The following ZFP1 variants were observed in gnomAD, a reference collection of about 807,000 sequenced individuals.
ZFP1 encodes ZFP1 zinc finger protein, also known as zinc finger protein 1 homolog.
In ZFP1, 32 loss-of-function variants were observed where a neutral mutation model predicts 38.5. The observed-to-expected ratio is 0.83, with a 90% CI of 0.63 to 1.12. The LOEUF (loss-of-function observed/expected upper bound fraction) is 1.12, where lower values mean the gene tolerates loss of function less well. ZFP1 is among the 50% of genes most tolerant of loss of function. The probability of loss-of-function intolerance (pLI) is 0.00; values close to 1 mark genes in which losing one functional copy is unlikely to be tolerated. For synonymous variants in ZFP1, 245 were observed against 168.8 expected (o/e 1.45, Z -3.50); for missense variants, 616 against 480.8 (o/e 1.28, Z -2.63).
At chr16:75,152,794 C>T in intron 1 of ZFP1, 115 bp from the exon 2 acceptor site, 1 of 904,400 alleles carries the variant, frequency 1.1e-6, no homozygotes, top group South Asian at 1.8e-5. Flanking sequence ...AGGGACTTTC[C>T]CAGGAGGTGG....
chr16:75,161,895 C>G (rs2037809743), intron 2 of ZFP1, among the ~76,000 whole-genome samples: 1 of 146,236 alleles, frequency 6.8e-6, no homozygotes, highest in Non-Finnish European at 1.5e-5. Context: ...AGCGATTCCC[C>G]TGCCTCAGCC....
chr16:75,131,556 A>G, the ZFP1 span, among the ~76,000 whole-genome samples: 2 of 151,904 alleles, frequency 1.3e-5, no homozygotes, highest in East Asian at 1.9e-4. Context: ...CTCCCCTCTC[A>G]TCCTAGCTGG....
chr16:75,151,844 T>G (rs1194401913), intron 1 of ZFP1, among the ~76,000 whole-genome samples: 1 of 152,220 alleles, frequency 6.6e-6, no homozygotes, highest in Non-Finnish European at 1.5e-5. Context: ...TTAAATAACT[T>G]CATTAAACAT....
chr16:75,148,291 C>T (rs1321409014), upstream of ZFP1, among the ~76,000 whole-genome samples: 1 of 152,124 alleles, frequency 6.6e-6, no homozygotes, highest in Non-Finnish European at 1.5e-5. Context: ...AATTGTAGTT[C>T]ACGACCCACT....
chr16:75,137,461 C>CTTTTT, the ZFP1 span, among the ~76,000 whole-genome samples: 31,673 of 89,240 alleles, frequency 0.35, 8,055 homozygotes, highest in Middle Eastern at 0.44. Flanking sequence ...AAAAAAAATT[C>CTTTTT]TTTTTTTTTT....
chr16:75,120,932 G>T, the ZFP1 span, among the ~76,000 whole-genome samples: 2 of 151,900 alleles, frequency 1.3e-5, no homozygotes, highest in Non-Finnish European at 2.9e-5. Flanking sequence ...GCCTACCCTT[G>T]GGTTTTTAAG....
chr16:75,126,502 C>T, the ZFP1 span, among the ~76,000 whole-genome samples: 47,760 of 151,974 alleles, frequency 0.31, 7,682 homozygotes, highest in Non-Finnish European at 0.34. Flanking sequence ...CTCCCAGGTT[C>T]AAGTGATTCT....
At position 75,170,060 on chromosome 16, in the gene ZFP1, T is replaced by G; in HGVS notation, c.950T>G (p.Ile317Ser). 1 of 1,614,096 alleles carries G rather than the reference T, an allele frequency of 6.2e-7. No individual in the cohort carries two copies. Among genetic ancestry groups the G allele is most frequent in the African/African-American group, 1.3e-5 (1 of 74,998 alleles). Residue 317 changes from isoleucine to serine, a missense_variant, in exon 4 of 4, where the codon ATT becomes AGT. Transcript: ENST00000570010. ...TCAAACCTTATCATACATCAGAAGATTCACACGGGGGAGAAACGCTATGAG... is the reference window on the plus strand; with the variant it reads ...TCAAACCTTATCATACATCAGAAGAGTCACACGGGGGAGAAACGCTATGAG... Reference protein sequence around the residue: ...KKSNLIIHQKIHTGEKRYECS... With the variant: ...KKSNLIIHQKSHTGEKRYECS...
the ZFP1 span, among the ~76,000 whole-genome samples, chr16:75,142,153 C>G: frequency 6.7e-6 from 1 of 148,972 alleles, no homozygotes; most frequent in South Asian, 2.1e-4. Flanking sequence ...GTCAAGAGAT[C>G]GACACCATCC....
At chr16:75,143,733 C>T (rs1284109961), upstream of ZFP1, among the ~76,000 whole-genome samples, 6 of 145,654 alleles carry the variant, frequency 4.1e-5, no homozygotes. Context: ...CTCACTGCAG[C>T]GTCAACCTCC....
the ZFP1 span, among the ~76,000 whole-genome samples, chr16:75,123,474 TA>T: frequency 7.9e-6 from 1 of 127,076 alleles, no homozygotes; most frequent in Non-Finnish European, 1.6e-5. Flanking sequence ...TATATATATA[TA>T]TATATATATA....
rs186630665 is a variant in ZFP1 at position 75,166,232 on chromosome 16, C to T, written c.16-538C>T. The stretch of plus-strand genomic sequence containing the variant: ...TGTCTCACAGTACACATCTTGAGAG[C>T]AGAAACAGTGTTTATTTTTTGAGAC... On this transcript the variant is annotated intron_variant, in intron 2 of 3. Transcript: ENST00000570010. Among the ~76,000 whole-genome samples the T allele has an allele frequency of 2.0e-3, 311 of 151,940 alleles. 1 individual carries two copies. Among genetic ancestry groups the T allele is most frequent in the Admixed American group, 3.5e-3 (53 of 15,280 alleles).
rs201833464 is a variant in ZFP1, at chr16:75,166,793, G to A, written c.39G>A (p.Val13=). 2,507 of 1,614,142 alleles carry A rather than the reference G, an allele frequency of 1.6e-3. 7 individuals carry two copies. The highest frequency in any genetic ancestry group is 1.9e-3 in the Non-Finnish European group (2,231 of 1,180,018). The change falls in exon 3 of 4, where the codon GTG becomes GTA. Residue 13 remains valine, a synonymous_variant. Coordinates refer to ENST00000570010, the MANE Select transcript of ZFP1 (RefSeq NM_153688.4). ...AGGGATCAGTTTCATTCACGGATGT[G>A]ACTGTGGACTTTACCCAGGAGGAAT... ...KSQGSVSFTD[V]TVDFTQEEWE... is the part of the protein sequence containing the mutation.
intron 2 of ZFP1, among the ~76,000 whole-genome samples, chr16:75,153,762 C>G (rs1162334383): frequency 6.6e-6 from 1 of 152,054 alleles, no homozygotes; most frequent in Non-Finnish European, 1.5e-5. Context: ...GTATTTTGAC[C>G]AATATATAAT....
At chr16:75,148,019 G>C (rs944025369), upstream of ZFP1, among the ~76,000 whole-genome samples, 3 of 152,040 alleles carry the variant, frequency 2.0e-5, no homozygotes, top group African/African-American at 7.3e-5. Flanking sequence ...TAAATATATA[G>C]ATCTCAACAA....
the ZFP1 span, among the ~76,000 whole-genome samples, chr16:75,139,029 C>T: frequency 1.3e-5 from 2 of 152,172 alleles, no homozygotes; most frequent in East Asian, 3.9e-4. Context: ...GGATACATTT[C>T]AATAGAAAAG....
In ZFP1 at chr16:75,169,621, A is replaced by G. The variant is rs776025137; in HGVS notation, c.511A>G (p.Ile171Val). The change falls in exon 4 of 4, where the codon ATT becomes GTT. Residue 171 changes from isoleucine (I) to valine (V), a missense_variant. Ile to Val is a conservative substitution (Grantham distance 29). Transcript: ENST00000570010. ...AAAAGCCCTCAGCCATAAAGCAGCCATTTTTAAACATCAGAAAATAAAAAA... is the reference window on the plus strand; with the variant it reads ...AAAAGCCCTCAGCCATAAAGCAGCCGTTTTTAAACATCAGAAAATAAAAAA... ...SGKALSHKAA[I>V]FKHQKIKNLV... is the part of the protein sequence containing the mutation. The G allele has an allele frequency of 6.3e-7, 1 of 1,592,232 alleles. No homozygotes were observed.
At chr16:75,155,186 A>AGT (rs758755219) in intron 2 of ZFP1, among the ~76,000 whole-genome samples, 3 of 152,222 alleles carry the variant, frequency 2.0e-5, no homozygotes, top group Non-Finnish European at 4.4e-5. Context: ...GTGGGAGTGC[A>AGT]GTGATGTGAA....
the ZFP1 span, among the ~76,000 whole-genome samples, chr16:75,135,377 C>T: frequency 2.0e-5 from 3 of 151,908 alleles, no homozygotes; most frequent in African/African-American, 7.3e-5. Context: ...ATGCATATTG[C>T]TAAGTGATAG....
Sources: allele counts gnomAD v4.1 joint callset (sites outside exome capture counted in the v4.1 genomes callset), GRCh38; gene constraint gnomAD v4.1.1; transcripts MANE v1.5; gene names NCBI Gene and HGNC (gene_info 2026-07-23, HGNC 2026-07-21).